Variants in UNC13C observed in about 807,000 individuals in gnomAD.
UNC13C encodes unc-13 homolog C, also known as protein unc-13 homolog C.
UNC13C carries 174 observed loss-of-function variants against 245.4 expected under a neutral mutation model. That is an observed-to-expected ratio of 0.71 (90% CI 0.63 to 0.80). UNC13C has a LOEUF of 0.80. Ranked by LOEUF, UNC13C falls within the 30% of genes least tolerant of loss-of-function variation. The probability of loss-of-function intolerance (pLI) is 0.00; values close to 1 mark genes in which losing one functional copy is unlikely to be tolerated. For missense variants in UNC13C, 2,829 were observed against 2,602.9 expected, an observed-to-expected ratio of 1.09 and a Z score of -1.89; for synonymous variants, 992 against 895.1, an observed-to-expected ratio of 1.11 and a Z score of -1.93.
intron 17 of UNC13C, among the ~76,000 whole-genome samples, chr15:54,354,260 T>C (rs149375248): frequency 2.0e-5 from 3 of 152,330 alleles, no homozygotes; most frequent in African/African-American, 4.8e-5. Context: ...ATCTTACTCA[T>C]AGGTATTCAG....
chr15:54,395,351 C>G (rs1344641032), intron 18 of UNC13C, among the ~76,000 whole-genome samples: 1 of 151,708 alleles, frequency 6.6e-6, no homozygotes, highest in East Asian at 1.9e-4. Flanking sequence ...CCTTGGTTAC[C>G]TAAACTAATG....
chr15:54,244,748 C>T (rs4774690), intron 7 of UNC13C, among the ~76,000 whole-genome samples: 121,419 of 152,092 alleles, frequency 0.8, 49,493 homozygotes, highest in African/African-American at 0.95. Context: ...GAATGGGAGT[C>T]TGTTCACAAT....
chr15:54,075,631 A>G (rs1000245167), intron 2 of UNC13C, among the ~76,000 whole-genome samples: 3 of 151,120 alleles, frequency 2.0e-5, no homozygotes, highest in African/African-American at 7.3e-5. Flanking sequence ...TTTGTCCAGT[A>G]TGTCAGACTT....
At chr15:54,111,197 TA>T (rs1900752492) in intron 2 of UNC13C, among the ~76,000 whole-genome samples, 1 of 152,224 alleles carries the variant, frequency 6.6e-6, no homozygotes, top group Admixed American at 6.5e-5. Flanking sequence ...AGATGGACAA[TA>T]GACATCAAAG....
the UNC13C span, among the ~76,000 whole-genome samples, chr15:53,856,034 C>T: frequency 4.6e-5 from 7 of 152,050 alleles, no homozygotes; most frequent in African/African-American, 1.7e-4. Context: ...TGTATGTGTC[C>T]AGGAATTTAT....
intron 17 of UNC13C, among the ~76,000 whole-genome samples, chr15:54,360,156 T>C (rs561208400): frequency 6.6e-6 from 1 of 152,172 alleles, no homozygotes; most frequent in East Asian, 1.9e-4. Context: ...TCCATTGTAA[T>C]CAGAAATGAT....
the UNC13C span, among the ~76,000 whole-genome samples, chr15:53,844,593 T>C: frequency 6.6e-6 from 1 of 152,172 alleles, no homozygotes; most frequent in Non-Finnish European, 1.5e-5. Flanking sequence ...TTCTTGACGA[T>C]GACATTTCAA....
At chr15:54,607,056 T>C (rs980040774) in intron 30 of UNC13C, among the ~76,000 whole-genome samples, 1 of 152,200 alleles carries the variant, frequency 6.6e-6, no homozygotes. Flanking sequence ...GGCATTTTCA[T>C]CAGCTTCAAA....
At chr15:53,947,164 C>G in the UNC13C span, among the ~76,000 whole-genome samples, 8 of 152,246 alleles carry the variant, frequency 5.3e-5, no homozygotes, top group Admixed American at 5.2e-4. Flanking sequence ...CTGTCCTGGA[C>G]TATTCAGTCT....
Position 54,596,408 on chromosome 15 carries a change from G to T in UNC13C, c.6107-25919G>T, listed in dbSNP as rs867478512. ...TTGTGGGATTTTCATCTAGGAATTG[G>T]AATATAAAGAGTATAGCCATGATGC... On this transcript the variant is annotated intron_variant, in intron 30 of 32. Transcript: ENST00000260323. 2.6e-5 allele frequency among the ~76,000 whole-genome samples: 4 copies of T among 152,242 alleles called. No homozygotes were observed. In the East Asian group the frequency reaches 7.7e-4, roughly 29 times the overall value.
At chr15:54,556,229 TG>T (rs917098566) in intron 29 of UNC13C, among the ~76,000 whole-genome samples, 2 of 152,070 alleles carry the variant, frequency 1.3e-5, no homozygotes, top group African/African-American at 4.8e-5. Flanking sequence ...TACTCTTCAC[TG>T]GGGGAAACAT....
At chr15:54,276,233 AG>A (rs1472711562) in intron 10 of UNC13C, among the ~76,000 whole-genome samples, 2 of 152,170 alleles carry the variant, frequency 1.3e-5, no homozygotes, top group Non-Finnish European at 2.9e-5. Context: ...ATGATTATAT[AG>A]GTGAATGCAT....
intron 2 of UNC13C, among the ~76,000 whole-genome samples, chr15:54,130,986 C>G (rs988596001): frequency 6.6e-6 from 1 of 152,106 alleles, no homozygotes; most frequent in Non-Finnish European, 1.5e-5. Flanking sequence ...ATGCCTAGAA[C>G]TTAGGGACAC....
At position 54,352,238 on chromosome 15, in the gene UNC13C, G is replaced by T. The variant is rs1257499878; in HGVS notation, c.4713+13749G>T. Among the ~76,000 whole-genome samples the T allele has an allele frequency of 2.0e-5, 3 of 148,094 alleles. 1 individual carries two copies. Among genetic ancestry groups the T allele is most frequent in the African/African-American group, 7.4e-5 (3 of 40,570 alleles). Reference sequence around the variant, plus strand: ...TAGTTATTCTCATAGTTTTGATTTTGTTTATATATTGTGATTATACAAATA... The same window carrying T: ...TAGTTATTCTCATAGTTTTGATTTTTTTTATATATTGTGATTATACAAATA... On this transcript the variant is annotated intron_variant, in intron 17 of 32. Transcript: ENST00000260323.
the UNC13C span, among the ~76,000 whole-genome samples, chr15:53,944,789 T>C: frequency 1.3e-5 from 2 of 152,168 alleles, no homozygotes; most frequent in Admixed American, 1.3e-4. Context: ...TACCCAGTAA[T>C]AGGATGGCTG....
intron 19 of UNC13C, among the ~76,000 whole-genome samples, chr15:54,418,903 C>A (rs113794133): frequency 2.0e-5 from 3 of 152,124 alleles, no homozygotes; most frequent in Non-Finnish European, 4.4e-5. Context: ...CTCTTTCACA[C>A]TTATAGTAAG....
the UNC13C span, among the ~76,000 whole-genome samples, chr15:53,946,673 GTTTTTTTTTTTTTTT>G: frequency 1.2e-4 from 12 of 99,284 alleles, no homozygotes; most frequent in Non-Finnish European, 1.7e-4. Flanking sequence ...GTGAGCTGAG[GTTTTTTTTTTTTTTT>G]TTTTTTTTTA....
intron 10 of UNC13C, among the ~76,000 whole-genome samples, chr15:54,273,104 T>C (rs1002561543): frequency 2.6e-5 from 4 of 152,134 alleles, no homozygotes; most frequent in African/African-American, 9.7e-5. Context: ...CAGGAATCTG[T>C]CTCAGTCAGA....
intron 1 of UNC13C, among the ~76,000 whole-genome samples, chr15:53,987,996 T>C (rs1894221507): frequency 6.6e-6 from 1 of 151,996 alleles, no homozygotes; most frequent in Admixed American, 6.6e-5. Context: ...TGTGTGAGTT[T>C]AATGTGTGGT....
Sources: gnomAD v4.1 joint callset for allele counts (sites outside exome capture counted in the v4.1 genomes callset) on GRCh38, gnomAD v4.1.1 for gene constraint, MANE v1.5 for transcripts, NCBI Gene and HGNC (gene_info 2026-07-23, HGNC 2026-07-21) for gene names.